SV2C: variants seen among roughly 807,000 people sequenced by gnomAD.
The protein encoded by SV2C is synaptic vesicle glycoprotein 2C, also known as solute carrier family 22 member B3.
A neutral mutation model predicts 79.7 loss-of-function variants in SV2C; 49 were observed. That is an observed-to-expected ratio of 0.61 (90% CI 0.49 to 0.78). The LOEUF (loss-of-function observed/expected upper bound fraction) is 0.78. Among genes scored for constraint, SV2C ranks in the 30% least tolerant of loss-of-function variants. The pLI is 0.00. For synonymous variants in SV2C, 334 were observed against 333.2 expected (o/e 1.00, Z -0.03); for missense variants, 833 against 912.9 (o/e 0.91, Z 1.13).
chr5:75,866,574 G>A, the SV2C span, among the ~76,000 whole-genome samples: 3 of 152,170 alleles, frequency 2.0e-5, no homozygotes, highest in African/African-American at 7.2e-5. Flanking sequence ...CATTATCATT[G>A]GCCAAGGCTG....
At chr5:75,995,529 C>T in the SV2C span, among the ~76,000 whole-genome samples, 1 of 152,058 alleles carries the variant, frequency 6.6e-6, no homozygotes, top group African/African-American at 2.4e-5. Flanking sequence ...ATACAATAGT[C>T]AGTTAGAAAT....
intron 2 of SV2C, among the ~76,000 whole-genome samples, chr5:76,147,884 TA>T (rs1749488332): frequency 6.6e-6 from 1 of 152,216 alleles, no homozygotes; most frequent in Admixed American, 6.5e-5. Context: ...ATACATAATT[TA>T]AACGCTTCCT....
chr5:76,137,963 A>G (rs925555039), intron 2 of SV2C, among the ~76,000 whole-genome samples: 2 of 152,186 alleles, frequency 1.3e-5, no homozygotes, highest in Admixed American at 6.5e-5. Context: ...TTAATATCTT[A>G]TCTGGAATAT....
At chr5:75,934,939 A>G in the SV2C span, among the ~76,000 whole-genome samples, 3 of 146,626 alleles carry the variant, frequency 2.0e-5, no homozygotes, top group Non-Finnish European at 4.5e-5. Flanking sequence ...TTTGTGCACT[A>G]ACCTTTGTTA....
chr5:76,301,414 C>A lies in SV2C; in HGVS notation c.1869C>A (p.Ser623Arg). 1 of 1,614,094 alleles carries A rather than the reference C, an allele frequency of 6.2e-7. No homozygotes were observed. The change falls in exon 12 of 13, where the codon AGC becomes AGA. Residue 623 changes from serine (S) to arginine (R), a missense_variant. Ser to Arg is a moderately radical substitution (Grantham distance 110, BLOSUM62 -1). Transcript: ENST00000502798. ...GCTCTATGGTGCTTTCGGGGATCAGCTGTTTCTTCCTTTGGTTCGGCACCA... is the reference window on the plus strand; with the variant it reads ...GCTCTATGGTGCTTTCGGGGATCAGATGTTTCTTCCTTTGGTTCGGCACCA... The part of the protein sequence containing the change: ...LGGSMVLSGI[S>R]CFFLWFGTSE...
chr5:75,959,083 T>C, the SV2C span, among the ~76,000 whole-genome samples: 3 of 151,958 alleles, frequency 2.0e-5, no homozygotes, highest in African/African-American at 7.2e-5. Flanking sequence ...ATGCATATAT[T>C]TTTCATTTTT....
chr5:75,974,685 C>T, the SV2C span, among the ~76,000 whole-genome samples: 462 of 152,228 alleles, frequency 3.0e-3, 1 homozygote, highest in African/African-American at 0.011. Context: ...AATTCACATA[C>T]GTGGATAATA....
chr5:76,140,361 T>C (rs1264036612), intron 2 of SV2C, among the ~76,000 whole-genome samples: 1 of 152,154 alleles, frequency 6.6e-6, no homozygotes, highest in African/African-American at 2.4e-5. Context: ...CTAGGAAGGG[T>C]AGTTTCTTTG....
chr5:76,268,745 CTTTACTCTT>C (rs1363298196), intron 4 of SV2C, among the ~76,000 whole-genome samples: 1 of 152,184 alleles, frequency 6.6e-6, no homozygotes, highest in Admixed American at 6.5e-5. Flanking sequence ...AACATCACTT[CTTTACTCTT>C]TTTACTCTTT....
intron 4 of SV2C, among the ~76,000 whole-genome samples, chr5:76,250,911 C>T (rs1291478588): frequency 2.0e-5 from 3 of 152,066 alleles, no homozygotes; most frequent in Non-Finnish European, 2.9e-5. Flanking sequence ...GAAGGGCAGC[C>T]ATCAGCTGTG....
At chr5:75,867,231 G>A in the SV2C span, among the ~76,000 whole-genome samples, 1 of 152,200 alleles carries the variant, frequency 6.6e-6, no homozygotes, top group Non-Finnish European at 1.5e-5. Flanking sequence ...TAGTTTGGCA[G>A]AGGAAGACTT....
chr5:75,866,193 G>A, the SV2C span, among the ~76,000 whole-genome samples: 1 of 149,456 alleles, frequency 6.7e-6, no homozygotes, highest in African/African-American at 2.5e-5. Flanking sequence ...ATGTCCACAT[G>A]CATCAGTTCA....
intron 1 of SV2C, among the ~76,000 whole-genome samples, chr5:76,118,720 G>A (rs1032543675): frequency 2.6e-5 from 4 of 152,268 alleles, no homozygotes; most frequent in African/African-American, 9.6e-5. Flanking sequence ...AGTGGCTCAC[G>A]CCTGTAATCC....
At chr5:75,955,383 C>G in the SV2C span, among the ~76,000 whole-genome samples, 1 of 151,234 alleles carries the variant, frequency 6.6e-6, no homozygotes, top group Non-Finnish European at 1.5e-5. Flanking sequence ...ACACCTTACA[C>G]AAAAATCAAT....
At chr5:76,272,250 C>CT (rs1324947556) in intron 4 of SV2C, among the ~76,000 whole-genome samples, 1 of 152,170 alleles carries the variant, frequency 6.6e-6, no homozygotes, top group African/African-American at 2.4e-5. Flanking sequence ...TCTGTAATCT[C>CT]TCCCCCTTGC....
At chr5:76,219,191 T>C (rs908303569) in intron 4 of SV2C, among the ~76,000 whole-genome samples, 1 of 152,210 alleles carries the variant, frequency 6.6e-6, no homozygotes, top group African/African-American at 2.4e-5. Flanking sequence ...GTTACAGCCC[T>C]GATGATTTTA....
At chr5:76,143,952 G>A (rs1749340311) in intron 2 of SV2C, among the ~76,000 whole-genome samples, 1 of 152,122 alleles carries the variant, frequency 6.6e-6, no homozygotes, top group South Asian at 2.1e-4. Context: ...GTCAAATAAA[G>A]AGGAAATGAT....
intron 12 of SV2C, among the ~76,000 whole-genome samples, chr5:76,352,639 T>C (rs752399056): frequency 2.6e-5 from 4 of 152,190 alleles, no homozygotes; most frequent in Non-Finnish European, 4.4e-5. Context: ...AGAAATATGT[T>C]CTTTATAAAT....
chr5:75,963,810 C>G, the SV2C span, among the ~76,000 whole-genome samples: 17 of 152,196 alleles, frequency 1.1e-4, no homozygotes, highest in African/African-American at 4.8e-5. Flanking sequence ...GTCAGACTGT[C>G]TTAGAAAGTT....
Sources: allele counts gnomAD v4.1 joint callset (sites outside exome capture counted in the v4.1 genomes callset), GRCh38; gene constraint gnomAD v4.1.1; transcripts MANE v1.5; gene names NCBI Gene and HGNC (gene_info 2026-07-23, HGNC 2026-07-21).